STAT5B: variants seen among roughly 807,000 people sequenced by gnomAD.
STAT5B encodes signal transducer and activator of transcription 5B.
STAT5B carries 21 observed loss-of-function variants against 107.8 expected under a neutral mutation model. That is an observed-to-expected ratio of 0.19 (90% CI 0.14 to 0.28). The LOEUF (loss-of-function observed/expected upper bound fraction) is 0.28, where lower values mean the gene tolerates loss of function less well. Ranked by LOEUF, STAT5B falls within the 10% of genes least tolerant of loss-of-function variation. The pLI, the probability that STAT5B is intolerant of heterozygous loss-of-function variation, is 1.00. For synonymous variants in STAT5B, 325 were observed against 401.7 expected (o/e 0.81, Z 2.28); for missense variants, 565 against 1,008.2 (o/e 0.56, Z 5.95).
intron 1 of STAT5B, among the ~76,000 whole-genome samples, chr17:42,232,808 G>C (rs2080327501): frequency 6.7e-6 from 1 of 150,264 alleles, no homozygotes; most frequent in South Asian, 2.1e-4. Flanking sequence ...ATGGTAAGCA[G>C]CATTTCAACA....
At chr17:42,251,576 C>G (rs1372516824) in intron 1 of STAT5B, among the ~76,000 whole-genome samples, 1 of 152,052 alleles carries the variant, frequency 6.6e-6, no homozygotes, top group Non-Finnish European at 1.5e-5. Context: ...CTGAAGTTAG[C>G]TGCCATCTGG....
chr17:42,274,074 C>T (rs545740007), intron 1 of STAT5B, among the ~76,000 whole-genome samples: 7 of 151,962 alleles, frequency 4.6e-5, no homozygotes, highest in Non-Finnish European at 7.4e-5. Flanking sequence ...GAAGTACACA[C>T]CTTAAATTTC....
At chr17:42,267,906 C>A (rs960248536) in intron 1 of STAT5B, among the ~76,000 whole-genome samples, 1 of 148,252 alleles carries the variant, frequency 6.7e-6, no homozygotes, top group East Asian at 2.0e-4. Flanking sequence ...TGCAGTGATC[C>A]GAGATCACGC....
intron 1 of STAT5B, chr17:42,235,268 T>C (rs1372748193): frequency 6.6e-6 from 1 of 152,238 alleles, no homozygotes; most frequent in Admixed American, 6.5e-5. Context: ...GAAATCACCA[T>C]GAACACAATG....
intron 2 of STAT5B, 105 bp downstream of exon 2, chr17:42,231,895 G>A: frequency 6.5e-7 from 1 of 1,543,468 alleles, no homozygotes. Flanking sequence ...ATTTAAAAAT[G>A]TTTAAAAATA....
intron 12 of STAT5B, among the ~76,000 whole-genome samples, chr17:42,213,472 G>C (rs1202461075): frequency 6.6e-6 from 1 of 152,188 alleles, no homozygotes; most frequent in African/African-American, 2.4e-5. Flanking sequence ...CTCCCAAAGT[G>C]CTGGGATTGC....
chr17:42,275,825 C>T (rs1342699239), intron 1 of STAT5B, among the ~76,000 whole-genome samples: 2 of 152,032 alleles, frequency 1.3e-5, no homozygotes, highest in Non-Finnish European at 2.9e-5. Flanking sequence ...GTCCCGGGAA[C>T]CTCTTTTGAA....
intron 1 of STAT5B, among the ~76,000 whole-genome samples, chr17:42,233,269 T>C (rs975274261): frequency 1.3e-5 from 2 of 152,214 alleles, no homozygotes; most frequent in Non-Finnish European, 2.9e-5. Flanking sequence ...TTGAACCCTA[T>C]GCATTATCAC....
chr17:42,202,846 G>A (rs1378755155), intron 16 of STAT5B, 38 bp from the exon 17 acceptor site: 1 of 1,613,630 alleles, frequency 6.2e-7, no homozygotes, highest in Admixed American at 1.7e-5. Flanking sequence ...AAGTTCTCAA[G>A]TGAAACAAAA....
At chr17:42,286,596 G>C in the STAT5B span, among the ~76,000 whole-genome samples, 1 of 152,210 alleles carries the variant, frequency 6.6e-6, no homozygotes, top group Non-Finnish European at 1.5e-5. Flanking sequence ...GCCTGGAAGA[G>C]AGCAGGCAGG....
chr17:42,227,781 G>T, intron 2 of STAT5B, 96 bp from the exon 3 acceptor site: 2 of 1,343,132 alleles, frequency 1.5e-6, no homozygotes, highest in East Asian at 4.9e-5. Context: ...CAACTAAAGT[G>T]ATGTTTTTAA....
intron 1 of STAT5B, among the ~76,000 whole-genome samples, chr17:42,238,460 T>A (rs1214836827): frequency 6.8e-6 from 1 of 147,520 alleles, no homozygotes; most frequent in African/African-American, 2.5e-5. Context: ...CCTTTTTTTT[T>A]TTTTTTTTTT....
chr17:42,218,858 A>G lies in STAT5B; in HGVS notation c.854T>C (p.Ile285Thr). ...GATCTGCTGCCGGTTCTGCCAGATG[A>G]TCTCGGCCAACTTCTCACACCTGCA... ...LQSWCEKLAE[I>T]IWQNRQQIRR... Residue 285 changes from isoleucine (I) to threonine (T), a missense_variant, in exon 8 of 19, where the codon ATC (isoleucine) becomes ACC (threonine). Ile to Thr is a moderately conservative substitution (Grantham distance 89). Around this residue, in one of 11 missense-constraint regions of STAT5B, gnomAD observed 48 missense variants for 106.5 expected, o/e 0.45. Transcript: ENST00000293328. 2 of 1,613,638 alleles carry G rather than the reference A, an allele frequency of 1.2e-6. No individual in the cohort carries two copies. Among genetic ancestry groups the G allele is most frequent in the South Asian group, 2.2e-5 (2 of 91,048 alleles).
At position 42,211,962 on chromosome 17, in the gene STAT5B, G is replaced by A. The variant is rs372815322; in HGVS notation, c.1680+22C>T. The A allele has an allele frequency of 5.4e-5, 86 of 1,596,896 alleles. 1 individual carries two copies. In the African/African-American group the frequency reaches 8.2e-4, roughly 15 times the overall value. ...GGTTGGGAAGGACTGATCTAACAGC[G>A]GCTGGCAGCTGGGCTCCTCACCCTG... On this transcript the variant is annotated intron_variant, in intron 13 of 18. Transcript: ENST00000293328.
chr17:42,264,848 T>G (rs2080653361), intron 1 of STAT5B, among the ~76,000 whole-genome samples: 1 of 136,102 alleles, frequency 7.3e-6, no homozygotes, highest in Admixed American at 7.8e-5. Context: ...TTCCTATTTC[T>G]CCACATCCTC....
rs375927948 is a variant in STAT5B, at chr17:42,201,736, G to A, written c.*2C>T. On this transcript the variant is annotated 3_prime_UTR_variant, in exon 19 of 19. Transcript: ENST00000293328. ...GAAGCTGAAGATGGAGAGGTCGCGG[G>A]GTCACGATTGTGCGTGCGGGATCCA... 1.3e-6 allele frequency: 2 copies of A among 1,566,924 alleles called. No individual in the cohort carries two copies.
intron 1 of STAT5B, among the ~76,000 whole-genome samples, chr17:42,267,250 CT>C (rs2080681039): frequency 6.6e-6 from 1 of 152,114 alleles, no homozygotes; most frequent in African/African-American, 2.4e-5. Flanking sequence ...ATTTACCATA[CT>C]TTTTATCGTT....
chr17:42,206,846 A>G (rs1174815403), intron 16 of STAT5B, among the ~76,000 whole-genome samples: 1 of 145,338 alleles, frequency 6.9e-6, no homozygotes, highest in East Asian at 2.1e-4. Flanking sequence ...AAGTGCTGGG[A>G]TTATAGGTGT....
intron 4 of STAT5B, among the ~76,000 whole-genome samples, 155 bp downstream of exon 4, chr17:42,224,624 C>CA (rs2080257868): frequency 6.6e-6 from 1 of 151,888 alleles, no homozygotes; most frequent in African/African-American, 2.4e-5. Flanking sequence ...TGCACTCAGT[C>CA]AAGTCTCCTA....
Sources: gnomAD v4.1 joint callset for allele counts (sites outside exome capture counted in the v4.1 genomes callset) on GRCh38, gnomAD v4.1.1 for gene constraint, gnomAD v4.1.1 regional missense constraint, MANE v1.5 for transcripts, NCBI Gene and HGNC (gene_info 2026-07-23, HGNC 2026-07-21) for gene names.